Variants in HERC2 observed in about 807,000 individuals in gnomAD.
HERC2 encodes the protein HECT and RLD domain containing E3 ubiquitin protein ligase 2.
In HERC2, 102 loss-of-function variants were observed where a neutral mutation model predicts 537.7. The ratio of observed to expected loss-of-function variants is 0.19; its 90% CI spans 0.16 to 0.22. The LOEUF (loss-of-function observed/expected upper bound fraction) is 0.22, where lower values mean the gene tolerates loss of function less well. HERC2 is among the 10% of genes least tolerant of loss of function. The probability of loss-of-function intolerance (pLI) is 1.00; values close to 1 mark genes in which losing one functional copy is unlikely to be tolerated. For missense variants in HERC2, 4,236 were observed against 6,198.2 expected, an observed-to-expected ratio of 0.68 and a Z score of 10.63; for synonymous variants, 2,224 against 2,466.2, an observed-to-expected ratio of 0.90 and a Z score of 2.91.
At chr15:28,270,088 A>G (rs934116989) in intron 10 of HERC2, among the ~76,000 whole-genome samples, 7 of 152,134 alleles carry the variant, frequency 4.6e-5, no homozygotes, top group Non-Finnish European at 8.8e-5. Context: ...CAGCCTCCCA[A>G]GTAGCTGGGA....
Position 28,265,610 on chromosome 15 carries a change from C to G in HERC2, c.1870+8G>C. On this transcript the variant is annotated splice_region_variant and intron_variant, in intron 14 of 92. Coordinates refer to ENST00000261609, the MANE Select transcript of HERC2 (RefSeq NM_004667.6). The surrounding 1 kb of genome is among the most constrained non-coding windows in gnomAD (Gnocchi z 4.0). ...GGGCCTGTCCAGGGTGGCGAGAGCT[C>G]TACGTACCGTTCTCAGTGACAGCCA... The G allele has an allele frequency of 6.2e-7, 1 of 1,611,878 alleles. No individual in the cohort carries two copies. The highest frequency in any genetic ancestry group is 8.5e-7 in the Non-Finnish European group (1 of 1,178,392).
chr15:28,307,268 T>G (rs2076815514), intron 2 of HERC2, among the ~76,000 whole-genome samples: 1 of 152,268 alleles, frequency 6.6e-6, no homozygotes, highest in Admixed American at 6.5e-5. Flanking sequence ...GGTCTTCTTT[T>G]TCTCTTAGCC....
intron 57 of HERC2, among the ~76,000 whole-genome samples, chr15:28,179,813 A>G (rs1352595205): frequency 6.6e-6 from 1 of 152,206 alleles, no homozygotes; most frequent in African/African-American, 2.4e-5. Flanking sequence ...AAAAGAATAA[A>G]TGTTAAAGAT....
intron 78 of HERC2, among the ~76,000 whole-genome samples, chr15:28,137,757 G>A (rs1890797798): frequency 6.6e-6 from 1 of 152,140 alleles, no homozygotes; most frequent in Admixed American, 6.5e-5. Flanking sequence ...CCCTACAGTG[G>A]CCTCTAAGAG....
rs1270421220 is a variant in HERC2 at position 28,202,059 on chromosome 15, G to A, written c.7617+54C>T. The A allele has an allele frequency of 5.3e-6, 5 of 951,550 alleles. No individual in the cohort carries two copies. The Admixed American group carries it at 1.0e-4, about 20-fold the overall frequency. 58.9% of individuals were successfully genotyped at this position (951,550 alleles called of 1,614,324 possible). ...AGAAAGCCAAGGTGTAAGACTGTTA[G>A]AGCGCTAGACGGACAGCGGCCCAGG... On this transcript the variant is annotated intron_variant, in intron 47 of 92. Coordinates refer to ENST00000261609, the MANE Select transcript of HERC2 (RefSeq NM_004667.6).
At chr15:28,299,565 G>A in intron 2 of HERC2, 49 bp from the exon 3 acceptor site, 1 of 943,378 alleles carries the variant, frequency 1.1e-6, no homozygotes, top group Non-Finnish European at 1.7e-6. Context: ...CACTCACATT[G>A]CAATTTTTAA....
At position 28,167,733 on chromosome 15, in the gene HERC2, A is replaced by G. The variant is rs1894289970; in HGVS notation, c.10508T>C (p.Leu3503Pro). The change falls in exon 68 of 93, where the codon CTG becomes CCG. Residue 3503 changes from leucine to proline, a missense_variant. This residue lies in a region of HERC2 where 356 missense variants were observed against 450.9 expected (regional missense o/e 0.79). Transcript: ENST00000261609. ...TTCTGCAATGATGCTTGCGGCTCCC[A>G]GGTCATCCGTCACTGGGATAAAAGG... ...ARPFIPVTDDLGAASIIAETM... is the reference protein window; with the variant it reads ...ARPFIPVTDDPGAASIIAETM... 1 of 1,614,068 alleles carries G rather than the reference A, an allele frequency of 6.2e-7. No individual in the cohort carries two copies. Among genetic ancestry groups the G allele is most frequent in the Admixed American group, 1.7e-5 (1 of 59,998 alleles).
At chr15:28,240,758 C>T (rs760870156) in intron 23 of HERC2, among the ~76,000 whole-genome samples, 2 of 152,122 alleles carry the variant, frequency 1.3e-5, no homozygotes, top group African/African-American at 4.8e-5. Flanking sequence ...TTTGGTCATA[C>T]GATTTTTGAC....
chr15:28,154,421 G>C (rs1226744850), intron 69 of HERC2, among the ~76,000 whole-genome samples: 1 of 152,194 alleles, frequency 6.6e-6, no homozygotes, highest in African/African-American at 2.4e-5. Flanking sequence ...GGCAAGGGCA[G>C]TTTGAAAACG....
At chr15:28,181,219 T>G (rs565762467) in intron 57 of HERC2, among the ~76,000 whole-genome samples, 1 of 152,288 alleles carries the variant, frequency 6.6e-6, no homozygotes, top group African/African-American at 2.4e-5. Context: ...AAGAAAGGAT[T>G]TTCATCACAA....
chr15:28,299,613 T>C, intron 2 of HERC2, 97 bp from the exon 3 acceptor site: 3 of 656,566 alleles, frequency 4.6e-6, no homozygotes, highest in Non-Finnish European at 8.3e-6. Flanking sequence ...CCCCCTTATG[T>C]ATTCGATCAT....
At chr15:28,279,447 T>C (rs966093156) in intron 5 of HERC2, among the ~76,000 whole-genome samples, 5 of 152,136 alleles carry the variant, frequency 3.3e-5, no homozygotes, top group African/African-American at 9.7e-5. Flanking sequence ...ATTTTCCAAT[T>C]TATACTTGAG....
intron 4 of HERC2, among the ~76,000 whole-genome samples, chr15:28,281,681 A>G (rs751962475): frequency 2.6e-5 from 4 of 152,166 alleles, no homozygotes; most frequent in Non-Finnish European, 5.9e-5. Context: ...TGCAGCTAAG[A>G]GCTAATAGTT....
chr15:28,255,786 C>T, intron 19 of HERC2, 86 bp downstream of exon 19: 1 of 1,383,196 alleles, frequency 7.2e-7, no homozygotes, highest in South Asian at 1.3e-5. Context: ...TAGAGTTTTA[C>T]TGTTTTCAGT....
chr15:28,223,028 C>T (rs1266416476), intron 35 of HERC2, among the ~76,000 whole-genome samples: 2 of 152,102 alleles, frequency 1.3e-5, no homozygotes, highest in Non-Finnish European at 2.9e-5. Context: ...TAAACTATAG[C>T]CCTGAGTTCA....
At chr15:28,269,168 A>C (rs2075651575) in intron 11 of HERC2, 80 bp downstream of exon 11, 1 of 1,126,706 alleles carries the variant, frequency 8.9e-7, no homozygotes, top group Non-Finnish European at 1.3e-6. Context: ...CGCCTTAAAG[A>C]AACACCAGAG....
intron 74 of HERC2, among the ~76,000 whole-genome samples, chr15:28,143,239 G>C (rs576494521): frequency 6.6e-6 from 1 of 152,154 alleles, no homozygotes; most frequent in East Asian, 1.9e-4. Context: ...TGCCTGTCTC[G>C]TCCCATGGGT....
Position 28,178,960 on chromosome 15 carries a change from G to A in HERC2, c.9090C>T (p.Ser3030=), listed in dbSNP as rs149248554. Reference sequence around the variant, plus strand: ...TCTGCCGTGGGATGGGCACCGTCCCGCTGGAAATGCCCAGCCCCAGCCGGC... The same window carrying A: ...TCTGCCGTGGGATGGGCACCGTCCCACTGGAAATGCCCAGCCCCAGCCGGC... ...TNGRLGLGIS[S]GTVPIPRQIT... Residue 3030 remains serine, a synonymous_variant, in exon 59 of 93, where the codon AGC becomes AGT. Transcript: ENST00000261609. The A allele has an allele frequency of 2.2e-5, 35 of 1,614,050 alleles. No homozygotes were observed. The highest frequency in any genetic ancestry group is 2.5e-5 in the Non-Finnish European group (30 of 1,180,024).
intron 2 of HERC2, among the ~76,000 whole-genome samples, chr15:28,303,787 C>T (rs1347419769): frequency 2.0e-5 from 3 of 152,008 alleles, no homozygotes; most frequent in Non-Finnish European, 4.4e-5. Flanking sequence ...AGTTTTATTC[C>T]TACGTATTTT....
Sources: gnomAD v4.1 joint callset for allele counts (sites outside exome capture counted in the v4.1 genomes callset) on GRCh38, gnomAD v4.1.1 for gene constraint, gnomAD v4.1.1 regional missense constraint, Gnocchi (gnomAD v3.1) non-coding constraint, MANE v1.5 for transcripts, NCBI Gene and HGNC (gene_info 2026-07-23, HGNC 2026-07-21) for gene names.